CREM: variants seen among roughly 807,000 people sequenced by gnomAD.
CREM encodes the protein cAMP responsive element modulator, also known as cAMP-responsive element modulator.
CREM carries 13 observed loss-of-function variants against 37.3 expected under a neutral mutation model. The ratio of observed to expected loss-of-function variants is 0.35; its 90% CI spans 0.23 to 0.55. The LOEUF (loss-of-function observed/expected upper bound fraction) is 0.55, where lower values mean the gene tolerates loss of function less well. Among genes scored for constraint, CREM ranks in the 20% least tolerant of loss-of-function variants. The probability of loss-of-function intolerance (pLI) is 0.88; values close to 1 mark genes in which losing one functional copy is unlikely to be tolerated. For missense variants in CREM, 296 were observed against 362.3 expected (o/e 0.82, Z 1.49); for synonymous variants, 124 against 120.2 (o/e 1.03, Z -0.21).
chr10:35,158,305 C>T (rs2093042094), intron 3 of CREM: 2 of 166,482 alleles, frequency 1.2e-5, no homozygotes, highest in South Asian at 2.9e-4. Flanking sequence ...GAACCACTGC[C>T]ATGGCCAGTC....
At chr10:35,177,574 C>T (rs2094150010) in intron 3 of CREM, among the ~76,000 whole-genome samples, 1 of 152,192 alleles carries the variant, frequency 6.6e-6, no homozygotes, top group Admixed American at 6.5e-5. Flanking sequence ...GCTGGGATTA[C>T]AGATGTGAGC....
At chr10:35,174,543 A>G (rs1033652016) in intron 3 of CREM, among the ~76,000 whole-genome samples, 1 of 152,196 alleles carries the variant, frequency 6.6e-6, no homozygotes, top group East Asian at 1.9e-4. Context: ...AGATATTAAT[A>G]TAAGTTGGAA....
intron 3 of CREM, among the ~76,000 whole-genome samples, chr10:35,160,513 C>G (rs1343653623): frequency 2.6e-5 from 4 of 152,156 alleles, no homozygotes; most frequent in African/African-American, 9.7e-5. Context: ...ATCCTCCTGT[C>G]TCAGCCTCTC....
chr10:35,201,473 A>T, intron 6 of CREM: 1 of 1,551,646 alleles, frequency 6.4e-7, no homozygotes, highest in Non-Finnish European at 8.7e-7. Flanking sequence ...AACTTGCCCC[A>T]AGTCACATGG....
chr10:35,156,253 CTT>C (rs34829879), intron 3 of CREM, among the ~76,000 whole-genome samples: 1 of 144,544 alleles, frequency 6.9e-6, no homozygotes. Context: ...CTTTTCTTTT[CTT>C]TTTTTTTTTA....
intron 2 of CREM, among the ~76,000 whole-genome samples, chr10:35,141,338 A>G (rs979976571): frequency 6.6e-6 from 1 of 152,224 alleles, no homozygotes; most frequent in Non-Finnish European, 1.5e-5. Context: ...TTTTAAGCAG[A>G]AATACATGTT....
At chr10:35,146,988 T>G (rs929183189) in intron 2 of CREM, among the ~76,000 whole-genome samples, 2 of 151,754 alleles carry the variant, frequency 1.3e-5, no homozygotes, top group African/African-American at 4.8e-5. Context: ...ATTGTATTAT[T>G]GACAGCTGAA....
rs141438077 is a variant in CREM, at chr10:35,203,672, G to A, written c.599-3223G>A. Among the ~76,000 whole-genome samples, 494 of 152,208 alleles carry A rather than the reference G, an allele frequency of 3.2e-3. 4 individuals are homozygous for A. The highest frequency in any genetic ancestry group is 0.011 in the African/African-American group (469 of 41,516). Reference sequence around the variant, plus strand: ...GTGCCACTGCACTCTATCCTGGGTGGCAGCGTGAGACTCTGTCTCAAAATA... The same window carrying A: ...GTGCCACTGCACTCTATCCTGGGTGACAGCGTGAGACTCTGTCTCAAAATA... On this transcript the variant is annotated intron_variant, in intron 6 of 7. Transcript: ENST00000685392.
intron 3 of CREM, among the ~76,000 whole-genome samples, chr10:35,165,078 A>AAAAAAAAG (rs1491207726): frequency 1.3e-4 from 20 of 148,810 alleles, no homozygotes; most frequent in African/African-American, 4.1e-4. Flanking sequence ...AAAAAAAAAA[A>AAAAAAAAG]GAAAAGGAAA....
At chr10:35,199,710 A>G (rs1285054866) in intron 6 of CREM, among the ~76,000 whole-genome samples, 2 of 152,092 alleles carry the variant, frequency 1.3e-5, no homozygotes, top group Non-Finnish European at 2.9e-5. Context: ...CAAGTAGTGG[A>G]CCCGTTCGAG....
intron 6 of CREM, among the ~76,000 whole-genome samples, chr10:35,193,390 A>G (rs887757087): frequency 1.1e-4 from 17 of 152,064 alleles, no homozygotes; most frequent in Admixed American, 5.2e-4. Flanking sequence ...TTTCACACCA[A>G]TATTTATTGA....
chr10:35,136,798 T>G (rs1191116628), intron 1 of CREM, among the ~76,000 whole-genome samples: 2 of 151,526 alleles, frequency 1.3e-5, no homozygotes, highest in African/African-American at 2.4e-5. Flanking sequence ...CAGTTTTTTT[T>G]TTTTTTTTTT....
At chr10:35,202,849 C>T (rs1376602702) in intron 6 of CREM, among the ~76,000 whole-genome samples, 1 of 152,188 alleles carries the variant, frequency 6.6e-6, no homozygotes, top group African/African-American at 2.4e-5. Flanking sequence ...ATATCATCCC[C>T]TTCCAAGTTA....
At chr10:35,195,058 G>T in intron 6 of CREM, 2 of 846,634 alleles carry the variant, frequency 2.4e-6, no homozygotes, top group Non-Finnish European at 3.7e-6. Context: ...GCAAATTGAT[G>T]GCAGTGATAG....
chr10:35,142,290 G>A (rs1013845749), intron 2 of CREM, among the ~76,000 whole-genome samples: 1 of 152,118 alleles, frequency 6.6e-6, no homozygotes, highest in African/African-American at 2.4e-5. Context: ...GAGAATAATT[G>A]ATAGTATAAT....
intron 2 of CREM, among the ~76,000 whole-genome samples, chr10:35,144,344 C>T (rs1284640381): frequency 6.6e-6 from 1 of 152,062 alleles, no homozygotes; most frequent in African/African-American, 2.4e-5. Flanking sequence ...TATATATAGA[C>T]ACACGATTCT....
chr10:35,167,799 A>T, intron 3 of CREM: 1 of 1,613,724 alleles, frequency 6.2e-7, no homozygotes, highest in Non-Finnish European at 8.5e-7. Context: ...GATGTGGAAG[A>T]AAAGGTAAAT....
chr10:35,186,779 TTATA>T (rs1320682115), intron 5 of CREM, among the ~76,000 whole-genome samples: 2 of 128,862 alleles, frequency 1.6e-5, no homozygotes, highest in Non-Finnish European at 3.1e-5. Flanking sequence ...ATATAACAAA[TTATA>T]TATAACATAA....
rs78021789 is a variant in CREM, at chr10:35,135,830, G to T, written c.-54-1952G>T. 9.3e-5 allele frequency among the ~76,000 whole-genome samples: 14 copies of T among 150,570 alleles called. No individual in the cohort carries two copies. In the East Asian group the frequency reaches 2.6e-3, roughly 27 times the overall value. On this transcript the variant is annotated intron_variant, in intron 1 of 7. Transcript: ENST00000685392. ...AAAAGCATGAAAGTAATGTCATAAA[G>T]AATTCAAAGAGGACAAAGTTTCAAA... is the stretch of plus-strand genomic sequence containing the variant.
Sources: allele counts gnomAD v4.1 joint callset (sites outside exome capture counted in the v4.1 genomes callset), GRCh38; gene constraint gnomAD v4.1.1; transcripts MANE v1.5; gene names NCBI Gene and HGNC (gene_info 2026-07-23, HGNC 2026-07-21).